Variants in METTL8 observed in about 807,000 individuals in gnomAD.
METTL8 encodes methyltransferase 8, tRNA N3-cytidine, also known as tRNA N(3)-cytidine methyltransferase METTL8, mitochondrial.
METTL8 carries 32 observed loss-of-function variants against 48.7 expected under a neutral mutation model. That is an observed-to-expected ratio of 0.66 (90% confidence interval 0.50 to 0.88). METTL8 has a LOEUF of 0.88. METTL8 is among the 40% of genes least tolerant of loss of function. The probability of loss-of-function intolerance (pLI) is 0.00; values close to 1 mark genes in which losing one functional copy is unlikely to be tolerated. For missense variants in METTL8, 464 were observed against 474.4 expected, an observed-to-expected ratio of 0.98 and a Z score of 0.20; for synonymous variants, 136 against 157.1, an observed-to-expected ratio of 0.87 and a Z score of 1.01.
At chr2:171,374,946 TG>T in intron 2 of METTL8, 3 of 1,264,974 alleles carry the variant, frequency 2.4e-6, no homozygotes, top group South Asian at 1.2e-5. Flanking sequence ...TGGGCTTTGG[TG>T]GGGGACGTGG....
intron 1 of METTL8, among the ~76,000 whole-genome samples, chr2:171,395,509 T>C (rs1020141339): frequency 6.6e-6 from 1 of 152,142 alleles, no homozygotes; most frequent in Non-Finnish European, 1.5e-5. Context: ...AAAAAAGGTA[T>C]ACTATGCAAA....
chr2:171,354,934 T>C (rs530688130), intron 3 of METTL8, among the ~76,000 whole-genome samples: 2 of 152,194 alleles, frequency 1.3e-5, no homozygotes, highest in Non-Finnish European at 2.9e-5. Context: ...AGAAGTTTGT[T>C]ATTACCGATC....
chr2:171,368,550 T>A (rs1440813946), intron 2 of METTL8, among the ~76,000 whole-genome samples: 1 of 152,206 alleles, frequency 6.6e-6, no homozygotes, highest in Non-Finnish European at 1.5e-5. Flanking sequence ...CAATACAGAT[T>A]TTCCTGATGA....
chr2:171,415,039 C>T (rs943876795), intron 1 of METTL8, among the ~76,000 whole-genome samples: 8 of 152,148 alleles, frequency 5.3e-5, no homozygotes, highest in African/African-American at 1.4e-4. Flanking sequence ...GAGGCCTCCC[C>T]AGCCACATGA....
rs140081065 is a variant in METTL8 at position 171,365,753 on chromosome 2, G to A, written c.144-5240C>T. Among the ~76,000 whole-genome samples, 970 of 152,274 alleles carry A rather than the reference G, an allele frequency of 6.4e-3. 10 individuals are homozygous for A. The highest frequency in any genetic ancestry group is 0.022 in the African/African-American group (921 of 41,560). On this transcript the variant is annotated intron_variant, in intron 2 of 9. Coordinates refer to ENST00000375258, the MANE Select transcript of METTL8 (RefSeq NM_001321154.2). Reference sequence around the variant, plus strand: ...GGCCATGACAGAGTACCTGGCAATGGACTTACCCTCCTGCCACAAATAATT... The same window carrying A: ...GGCCATGACAGAGTACCTGGCAATGAACTTACCCTCCTGCCACAAATAATT...
At chr2:171,425,729 G>A (rs967813999) in intron 1 of METTL8, among the ~76,000 whole-genome samples, 1 of 152,210 alleles carries the variant, frequency 6.6e-6, no homozygotes, top group Non-Finnish European at 1.5e-5. Context: ...AGAATTTGAG[G>A]TAATGAATGG....
At chr2:171,353,091 C>A (rs1398632441) in intron 3 of METTL8, among the ~76,000 whole-genome samples, 4 of 152,150 alleles carry the variant, frequency 2.6e-5, no homozygotes, top group Admixed American at 6.5e-5. Context: ...TTCCTGCTTT[C>A]TCTTGTGGGC....
At chr2:171,373,857 G>A (rs1288402029) in intron 2 of METTL8, among the ~76,000 whole-genome samples, 2 of 152,228 alleles carry the variant, frequency 1.3e-5, no homozygotes, top group Non-Finnish European at 2.9e-5. Flanking sequence ...TTTGGTACCA[G>A]TACCATGCTG....
chr2:171,374,278 T>C (rs1037768248), intron 2 of METTL8, among the ~76,000 whole-genome samples: 3 of 152,226 alleles, frequency 2.0e-5, no homozygotes, highest in Admixed American at 6.5e-5. Flanking sequence ...TAAGAATGCT[T>C]GTGATTTTTG....
chr2:171,401,755 A>G (rs1041654698), intron 1 of METTL8, among the ~76,000 whole-genome samples: 12 of 152,306 alleles, frequency 7.9e-5, no homozygotes, highest in Middle Eastern at 3.4e-3. Flanking sequence ...GGCATTTCAC[A>G]TTTAGACTTC....
At chr2:171,368,035 T>C (rs1370981864) in intron 2 of METTL8, among the ~76,000 whole-genome samples, 1 of 152,230 alleles carries the variant, frequency 6.6e-6, no homozygotes, top group Non-Finnish European at 1.5e-5. Flanking sequence ...AAGAAGGCAG[T>C]GGCACCAAAA....
intron 2 of METTL8, among the ~76,000 whole-genome samples, chr2:171,388,459 A>G (rs1688282783): frequency 6.6e-6 from 1 of 152,206 alleles, no homozygotes; most frequent in Non-Finnish European, 1.5e-5. Flanking sequence ...TTCTTAAGGC[A>G]AACTATCCTA....
At chr2:171,379,511 G>C (rs930104457) in intron 2 of METTL8, among the ~76,000 whole-genome samples, 1 of 149,016 alleles carries the variant, frequency 6.7e-6, no homozygotes, top group African/African-American at 2.4e-5. Flanking sequence ...TAGATAGACT[G>C]CTAACTAGAC....
intron 1 of METTL8, among the ~76,000 whole-genome samples, chr2:171,429,818 T>C (rs1183032037): frequency 6.6e-6 from 1 of 152,088 alleles, no homozygotes; most frequent in African/African-American, 2.4e-5. Context: ...CGCAGGCAGA[T>C]CACCTGAGGT....
At chr2:171,405,045 T>C (rs1262773509) in intron 1 of METTL8, among the ~76,000 whole-genome samples, 7 of 152,168 alleles carry the variant, frequency 4.6e-5, no homozygotes, top group Admixed American at 3.3e-4. Flanking sequence ...TGAGTAGATG[T>C]TGATGGTATT....
intron 2 of METTL8, among the ~76,000 whole-genome samples, chr2:171,378,010 T>C (rs1404068568): frequency 2.0e-5 from 3 of 152,102 alleles, no homozygotes; most frequent in African/African-American, 7.2e-5. Flanking sequence ...TAAATGCCCA[T>C]CAACCAACAA....
At chr2:171,346,844 G>C (rs538512594) in intron 3 of METTL8, among the ~76,000 whole-genome samples, 1 of 152,304 alleles carries the variant, frequency 6.6e-6, no homozygotes, top group African/African-American at 2.4e-5. Flanking sequence ...TATCAAACCT[G>C]AAGCCTCACC....
chr2:171,426,974 A>G lies in METTL8; in HGVS notation c.-13+6909T>C, dbSNP rs527837946. Among the ~76,000 whole-genome samples the G allele has an allele frequency of 2.6e-5, 4 of 152,346 alleles. No individual in the cohort carries two copies. In the South Asian group the frequency reaches 8.3e-4, roughly 32 times the overall value. On this transcript the variant is annotated intron_variant, in intron 1 of 9. Transcript: ENST00000375258. ...TTTATTCACTTTTCCCACATGCCCT[A>G]GCCACATAACAAATCCTAACATTCC...
At chr2:171,406,535 C>T (rs1259677233) in intron 1 of METTL8, among the ~76,000 whole-genome samples, 1 of 152,206 alleles carries the variant, frequency 6.6e-6, no homozygotes, top group Non-Finnish European at 1.5e-5. Context: ...GGCCTCTGTG[C>T]ATTCGCAGAG....
Sources: gnomAD v4.1 joint callset for allele counts (sites outside exome capture counted in the v4.1 genomes callset) on GRCh38, gnomAD v4.1.1 for gene constraint, MANE v1.5 for transcripts, NCBI Gene and HGNC (gene_info 2026-07-23, HGNC 2026-07-21) for gene names.